The following ESR2 variants were observed in gnomAD, a reference collection of about 807,000 sequenced individuals.
ESR2 encodes the protein estrogen receptor beta.
A neutral mutation model predicts 49.6 loss-of-function variants in ESR2; 36 were observed. The observed-to-expected ratio is 0.73, with a 90% CI of 0.56 to 0.96. The LOEUF is 0.96. ESR2 is among the 40% of genes least tolerant of loss of function. The pLI is 0.00. For synonymous variants in ESR2, 320 were observed against 266.1 expected (o/e 1.20, Z -1.97); for missense variants, 714 against 693.0 (o/e 1.03, Z -0.34).
At chr14:64,327,173 G>A (rs1421317876) in intron 1 of ESR2, among the ~76,000 whole-genome samples, 2 of 152,010 alleles carry the variant, frequency 1.3e-5, no homozygotes, top group Non-Finnish European at 2.9e-5. Context: ...TATACCTTGT[G>A]TCAATAGACT....
At position 64,235,011 on chromosome 14, in the gene ESR2, C is replaced by G; in HGVS notation, c.1365G>C (p.Leu455=). The G allele has an allele frequency of 6.2e-7, 1 of 1,614,216 alleles. No homozygotes were observed. Among genetic ancestry groups the G allele is most frequent in the Non-Finnish European group, 8.5e-7 (1 of 1,180,034 alleles). ...GGGACAGGAGCATCAGGAGGTTAGC[C>G]AGGCGCATGGATTGCTGCTGGGAGG... ...GISSQQQSMR[L]ANLLMLLSHV... The change falls in exon 8 of 9, where the codon CTG becomes CTC. Residue 455 remains leucine (L), a synonymous_variant. Coordinates refer to ENST00000341099, the MANE Select transcript of ESR2 (RefSeq NM_001437.3).
At chr14:64,310,317 A>AATTATTATTATTATTATT (rs1567795805) in intron 1 of ESR2, among the ~76,000 whole-genome samples, 5 of 148,888 alleles carry the variant, frequency 3.4e-5, no homozygotes, top group African/African-American at 1.2e-4. Flanking sequence ...TAATAATAAT[A>AATTATTATTATTATTATT]ATTCTGGGTG....
intron 7 of ESR2, among the ~76,000 whole-genome samples, chr14:64,238,509 C>A (rs573602207): frequency 5.3e-5 from 8 of 152,214 alleles, no homozygotes; most frequent in African/African-American, 1.9e-4. Context: ...GTCAGCAGTG[C>A]GTGCCTGCAC....
chr14:64,308,238 C>G (rs909341695), intron 1 of ESR2, among the ~76,000 whole-genome samples: 6 of 152,130 alleles, frequency 3.9e-5, no homozygotes, highest in African/African-American at 1.4e-4. Context: ...TGGTCTTGAA[C>G]TCCTGAGCTC....
At chr14:64,304,254 G>A (rs1347085335) in intron 1 of ESR2, among the ~76,000 whole-genome samples, 1 of 152,192 alleles carries the variant, frequency 6.6e-6, no homozygotes, top group Non-Finnish European at 1.5e-5. Flanking sequence ...GCTGCAGTGA[G>A]CTATGACTGC....
At chr14:64,247,593 G>T (rs1415531963) in intron 7 of ESR2, among the ~76,000 whole-genome samples, 2 of 152,218 alleles carry the variant, frequency 1.3e-5, no homozygotes, top group Non-Finnish European at 2.9e-5. Context: ...TGTCTAAATA[G>T]AGATATCTGT....
intron 1 of ESR2, chr14:64,336,657 C>G (rs1454394592): frequency 6.6e-6 from 1 of 152,190 alleles, no homozygotes; most frequent in Non-Finnish European, 1.5e-5. Context: ...CCACCTAAAC[C>G]TGTTCCTTTG....
intron 7 of ESR2, among the ~76,000 whole-genome samples, chr14:64,243,434 C>G (rs1041917184): frequency 6.6e-6 from 1 of 152,196 alleles, no homozygotes. Context: ...ATGGTACTAA[C>G]AGACTTGTTC....
chr14:64,234,597 G>A lies in ESR2; in HGVS notation c.1406+373C>T, dbSNP rs148699314. 233 of 309,424 alleles carry A rather than the reference G, an allele frequency of 7.5e-4. 1 individual carries two copies. Among genetic ancestry groups the A allele is most frequent in the African/African-American group, 4.1e-3 (194 of 47,156 alleles). The allele number at this position is 309,424 out of a possible 1,614,324, so 19.2% of individuals were successfully genotyped here. ...AGCTCGAGGGGCCATCTAGGGGAGC[G>A]GGTCTTAGCCTCTCCACAAAAAGTG... On this transcript the variant is annotated intron_variant, in intron 8 of 8. Transcript: ENST00000341099.
At chr14:64,260,042 GACC>G (rs2076180210) in intron 5 of ESR2, 1 of 444,926 alleles carries the variant, frequency 2.2e-6, no homozygotes, top group African/African-American at 2.0e-5. Context: ...CATCCTCCCA[GACC>G]ACCTCTAGGC....
chr14:64,269,795 T>G (rs929678062), intron 3 of ESR2, among the ~76,000 whole-genome samples: 3 of 152,226 alleles, frequency 2.0e-5, no homozygotes, highest in Non-Finnish European at 2.9e-5. Context: ...TAGCAATCTC[T>G]AAGACAATGG....
intron 6 of ESR2, among the ~76,000 whole-genome samples, chr14:64,254,986 A>G (rs940931582): frequency 6.6e-6 from 1 of 152,184 alleles, no homozygotes; most frequent in African/African-American, 2.4e-5. Context: ...ATTTGTAAGA[A>G]AAATAACTTT....
rs2076200747 is a variant in ESR2 at position 64,260,704 on chromosome 14, T to C, written c.697A>G (p.Arg233Gly). 6.4e-7 allele frequency: 1 copy of C among 1,556,372 alleles called. No individual in the cohort carries two copies. The highest frequency in any genetic ancestry group is 8.7e-7 in the Non-Finnish European group (1 of 1,147,778). ...RCGYRLVRRQ[R>G]SADEQLHCAG... ...CAGTGCAGCTGCTCGTCGGCACTTC[T>C]CTGTCTCCGCACAAGGCGGTACCCA... The change falls in exon 5 of 9, where the codon AGA becomes GGA. Residue 233 changes from arginine to glycine, a missense_variant. By Grantham distance (125) the Arg-to-Gly change is moderately radical (BLOSUM62 -2). Transcript: ENST00000341099.
At chr14:64,289,986 A>G (rs1384793721) in intron 1 of ESR2, among the ~76,000 whole-genome samples, 2 of 152,232 alleles carry the variant, frequency 1.3e-5, no homozygotes, top group African/African-American at 2.4e-5. Flanking sequence ...AGCAGCAACT[A>G]GAAGGAATTT....
At chr14:64,278,893 T>C (rs2076609095) in intron 3 of ESR2, among the ~76,000 whole-genome samples, 1 of 152,182 alleles carries the variant, frequency 6.6e-6, no homozygotes, top group African/African-American at 2.4e-5. Flanking sequence ...TAGGCCATGA[T>C]GGAACAAGGG....
At chr14:64,308,450 A>C (rs2077139880) in intron 1 of ESR2, among the ~76,000 whole-genome samples, 1 of 152,196 alleles carries the variant, frequency 6.6e-6, no homozygotes, top group Admixed American at 6.6e-5. Context: ...TTTGAAACTA[A>C]TGTGTGATAT....
Position 64,332,989 on chromosome 14 carries a change from G to T in ESR2, c.-91+4909C>A, listed in dbSNP as rs530995450. Among the ~76,000 whole-genome samples the T allele has an allele frequency of 7.8e-4, 117 of 149,228 alleles. 1 individual carries two copies. Among genetic ancestry groups the T allele is most frequent in the Non-Finnish European group, 1.2e-3 (84 of 67,508 alleles). On this transcript the variant is annotated intron_variant, in intron 1 of 8. Transcript: ENST00000358599. ...CCTCCTGGGTTCACGCCATTGTCCT[G>T]CCTCAGCCTCCCGAGTAGCTGGGAC...
chr14:64,279,911 A>C lies in ESR2; in HGVS notation c.535+70T>G, dbSNP rs868638902. 3.8e-5 allele frequency: 50 copies of C among 1,313,164 alleles called. No individual in the cohort carries two copies. In the African/African-American group the frequency reaches 5.9e-4, roughly 16 times the overall value. The allele number at this position is 1,313,164 out of a possible 1,614,324, so 81.3% of individuals were successfully genotyped here. ...CAGGCCAGTAGTGACATTTCTGCCA[A>C]GTCATCTCTGCAAAATTGTTTGAAA... On this transcript the variant is annotated intron_variant, in intron 3 of 8. Coordinates refer to ENST00000341099, the MANE Select transcript of ESR2 (RefSeq NM_001437.3).
chr14:64,332,425 C>T (rs1007169495), intron 1 of ESR2: 1 of 152,176 alleles, frequency 6.6e-6, no homozygotes, highest in African/African-American at 2.4e-5. Context: ...GATAGAAAAG[C>T]TTTTCATATT....
Sources: allele counts gnomAD v4.1 joint callset (sites outside exome capture counted in the v4.1 genomes callset), GRCh38; gene constraint gnomAD v4.1.1; transcripts MANE v1.5; gene names NCBI Gene and HGNC (gene_info 2026-07-23, HGNC 2026-07-21).